The following EHBP1 variants were observed in gnomAD, a reference collection of about 807,000 sequenced individuals.
EHBP1 encodes EH domain-binding protein 1.
In EHBP1, 55 loss-of-function variants were observed where a neutral mutation model predicts 144.0. The ratio of observed to expected loss-of-function variants is 0.38; its 90% CI spans 0.31 to 0.48. The LOEUF (loss-of-function observed/expected upper bound fraction) is 0.48, where lower values mean the gene tolerates loss of function less well. Among genes scored for constraint, EHBP1 ranks in the 20% least tolerant of loss-of-function variants. The pLI, the probability that EHBP1 is intolerant of heterozygous loss-of-function variation, is 0.98. For synonymous variants in EHBP1, 469 were observed against 472.7 expected (o/e 0.99, Z 0.10); for missense variants, 1,200 against 1,364.2 (o/e 0.88, Z 1.90).
At chr2:62,793,741 T>TAA in intron 5 of EHBP1, among the ~76,000 whole-genome samples, 1 of 151,978 alleles carries the variant, frequency 6.6e-6, no homozygotes, top group Middle Eastern at 3.4e-3. Context: ...ATCTACGAAA[T>TAA]AAAGAAAAGA....
In EHBP1 at chr2:62,802,798, C is replaced by A. The variant is rs192597546; in HGVS notation, c.313-23289C>A. Among the ~76,000 whole-genome samples, 81 of 147,556 alleles carry A rather than the reference C, an allele frequency of 5.5e-4. No homozygotes were observed. In the East Asian group the frequency reaches 0.013, roughly 24 times the overall value. On this transcript the variant is annotated intron_variant, in intron 5 of 22. Coordinates refer to ENST00000431489, the MANE Select transcript of EHBP1 (RefSeq NM_001142616.3). ...GGAGTGCAGTGGTGCAATCTCGGCTCACTGCAACCTCCGCCTCCAAGGTTC... is the reference window on the plus strand; with the variant it reads ...GGAGTGCAGTGGTGCAATCTCGGCTAACTGCAACCTCCGCCTCCAAGGTTC...
chr2:62,851,749 A>G (rs946141169), intron 7 of EHBP1, among the ~76,000 whole-genome samples: 1 of 152,128 alleles, frequency 6.6e-6, no homozygotes, highest in African/African-American at 2.4e-5. Context: ...AATCAAAATT[A>G]CCTTTTCACT....
chr2:62,939,178 C>G (rs1439221968), intron 10 of EHBP1, among the ~76,000 whole-genome samples: 2 of 152,148 alleles, frequency 1.3e-5, no homozygotes, highest in African/African-American at 4.8e-5. Context: ...AGTATATGGA[C>G]TCTAAGAAGA....
chr2:62,843,355 G>A (rs2048056303), intron 7 of EHBP1, among the ~76,000 whole-genome samples: 1 of 151,912 alleles, frequency 6.6e-6, no homozygotes, highest in Non-Finnish European at 1.5e-5. Context: ...CCATTTTATG[G>A]AAGGAATATG....
chr2:62,704,955 A>G (rs2034409523), upstream of EHBP1, among the ~76,000 whole-genome samples: 1 of 152,176 alleles, frequency 6.6e-6, no homozygotes, highest in Admixed American at 6.5e-5. Context: ...TAGGGGCAAA[A>G]GAGTCCGACA....
chr2:62,939,412 T>C (rs1166034537), intron 10 of EHBP1, among the ~76,000 whole-genome samples: 1 of 152,162 alleles, frequency 6.6e-6, no homozygotes, highest in Non-Finnish European at 1.5e-5. Flanking sequence ...TAGCTGGGAC[T>C]ACAGGCACGC....
intron 5 of EHBP1, among the ~76,000 whole-genome samples, chr2:62,783,213 C>T (rs1311674162): frequency 3.9e-5 from 6 of 152,220 alleles, no homozygotes; most frequent in Non-Finnish European, 7.3e-5. Flanking sequence ...ACCTCTGTGG[C>T]TCTGCAGGGT....
At chr2:62,987,933 GA>G in intron 15 of EHBP1, 1 of 1,536,990 alleles carries the variant, frequency 6.5e-7, no homozygotes, top group Non-Finnish European at 8.9e-7. Context: ...TCCTACAGAT[GA>G]AAATGATAAT....
At position 62,943,376 on chromosome 2, in the gene EHBP1, C is replaced by CAAAAAAA. The variant is rs11306610; in HGVS notation, c.1365-408_1365-402dup. On this transcript the variant is annotated intron_variant, in intron 11 of 22. Transcript: ENST00000431489. ...GGGCAACAAGAGCGAAACTCCGTCT[C>CAAAAAAA]AAAAAAAAAAAAAAAAAAAAAAAAT... Among the ~76,000 whole-genome samples, 6 of 87,850 alleles carry CAAAAAAA rather than the reference C, an allele frequency of 6.8e-5. 1 individual carries two copies. The highest frequency in any genetic ancestry group is 4.7e-5 in the African/African-American group (1 of 21,072). 57.6% of individuals were successfully genotyped at this position (87,850 alleles called of 152,430 possible). A position where few individuals can be genotyped will look rare whatever the true frequency, so the allele number is the denominator to read the frequency against.
At chr2:62,840,305 G>T (rs946944089) in intron 7 of EHBP1, among the ~76,000 whole-genome samples, 4 of 142,708 alleles carry the variant, frequency 2.8e-5, no homozygotes, top group African/African-American at 1.0e-4. Flanking sequence ...GCTGAAACTG[G>T]ATCCCTTCCT....
intron 13 of EHBP1, among the ~76,000 whole-genome samples, chr2:62,952,390 T>C (rs558179413): frequency 1.3e-4 from 20 of 152,344 alleles, no homozygotes; most frequent in Non-Finnish European, 2.8e-4. Flanking sequence ...GAAATCAATA[T>C]ATTATTTATA....
chr2:62,878,826 T>C, intron 10 of EHBP1, among the ~76,000 whole-genome samples: 1 of 151,926 alleles, frequency 6.6e-6, no homozygotes, highest in East Asian at 1.9e-4. Flanking sequence ...CTGGCCAAAA[T>C]GGAGAAATTG....
chr2:62,779,110 TCTAA>T (rs757893970), intron 5 of EHBP1, among the ~76,000 whole-genome samples: 66 of 152,306 alleles, frequency 4.3e-4, no homozygotes, highest in Admixed American at 1.4e-3. Context: ...CAGTTTATAA[TCTAA>T]CTATCAGTAG....
At chr2:62,700,263 T>C (rs894624808) in intron 1 of EHBP1, among the ~76,000 whole-genome samples, 10 of 152,172 alleles carry the variant, frequency 6.6e-5, no homozygotes, top group African/African-American at 9.7e-5. Flanking sequence ...GGCATAAATC[T>C]CAATCTAAAG....
chr2:62,797,209 G>C (rs189397202), intron 5 of EHBP1, among the ~76,000 whole-genome samples: 1 of 152,186 alleles, frequency 6.6e-6, no homozygotes, highest in East Asian at 1.9e-4. Flanking sequence ...AGCTATGCAT[G>C]GCTTTTGTGT....
intron 6 of EHBP1, among the ~76,000 whole-genome samples, chr2:62,827,960 C>T (rs1057417221): frequency 2.0e-5 from 3 of 152,136 alleles, no homozygotes; most frequent in East Asian, 1.9e-4. Flanking sequence ...TGAGCCACCG[C>T]GCCCAGCCAG....
At chr2:62,892,216 G>A (rs1423614286) in intron 10 of EHBP1, among the ~76,000 whole-genome samples, 2 of 152,058 alleles carry the variant, frequency 1.3e-5, no homozygotes, top group Non-Finnish European at 2.9e-5. Flanking sequence ...CCACCACCAC[G>A]TGTTATTGAA....
At chr2:62,766,190 A>ATAAGTTG (rs2041173512) in intron 4 of EHBP1, among the ~76,000 whole-genome samples, 1 of 152,170 alleles carries the variant, frequency 6.6e-6, no homozygotes, top group South Asian at 2.1e-4. Context: ...AATTTATCTC[A>ATAAGTTG]TAAGTTGTAG....
At chr2:62,752,690 T>C (rs1353977663) in intron 3 of EHBP1, among the ~76,000 whole-genome samples, 2 of 152,256 alleles carry the variant, frequency 1.3e-5, no homozygotes, top group South Asian at 2.1e-4. Context: ...ATATTTAAGA[T>C]AGTTAGCTCT....
Sources: gnomAD v4.1 joint callset for allele counts (sites outside exome capture counted in the v4.1 genomes callset) on GRCh38, gnomAD v4.1.1 for gene constraint, MANE v1.5 for transcripts, NCBI Gene and HGNC (gene_info 2026-07-23, HGNC 2026-07-21) for gene names.